SIM1: variants seen among roughly 807,000 people sequenced by gnomAD.
SIM1 encodes single-minded homolog 1.
A neutral mutation model predicts 78.2 loss-of-function variants in SIM1; 18 were observed. That is an observed-to-expected ratio of 0.23 (90% CI 0.16 to 0.34). SIM1 has a LOEUF of 0.34. SIM1 is among the 10% of genes least tolerant of loss of function. The pLI is 1.00. For synonymous variants in SIM1, 417 were observed against 385.2 expected, an observed-to-expected ratio of 1.08 and a Z score of -0.97; for missense variants, 939 against 975.1, an observed-to-expected ratio of 0.96 and a Z score of 0.49.
intron 9 of SIM1, among the ~76,000 whole-genome samples, chr6:100,436,835 T>G (rs1772064653): frequency 6.6e-6 from 1 of 150,534 alleles, no homozygotes; most frequent in African/African-American, 2.4e-5. Flanking sequence ...GCCTCCCAGG[T>G]TCAAGCAATT....
Position 100,449,682 on chromosome 6 carries a change from G to T in SIM1, c.366C>A (p.Asn122Lys), listed in dbSNP as rs1026916895. The change falls in exon 5 of 12, where the codon AAC (asparagine) becomes AAA (lysine). Residue 122 changes from asparagine (N) to lysine (K), a missense_variant. Coordinates refer to ENST00000369208, the MANE Select transcript of SIM1 (RefSeq NM_005068.3). ...LGLSQVELTG[N>K]SIYEYIHPAD... ...CCGGGTGAATGTATTCATAAATGCT[G>T]TTTCCGGTCAGCTCTACCTGTAAAG... is the stretch of plus-strand genomic sequence containing the variant. The T allele has an allele frequency of 1.2e-6, 2 of 1,613,886 alleles. No homozygotes were observed. Among genetic ancestry groups the T allele is most frequent in the South Asian group, 2.2e-5 (2 of 91,072 alleles).
intron 10 of SIM1, among the ~76,000 whole-genome samples, chr6:100,409,570 T>C (rs1771140675): frequency 6.6e-6 from 1 of 152,152 alleles, no homozygotes; most frequent in African/African-American, 2.4e-5. Flanking sequence ...AATTCCTTCC[T>C]TCTGCTAAAC....
At chr6:100,418,671 A>T (rs759990980) in intron 10 of SIM1, among the ~76,000 whole-genome samples, 28 of 152,166 alleles carry the variant, frequency 1.8e-4, no homozygotes, top group Non-Finnish European at 3.5e-4. Flanking sequence ...TTTCTATATA[A>T]CAATAGACAA....
chr6:100,386,429 G>A lies in SIM1; in HGVS notation c.*3932C>T, dbSNP rs1333494946. On this transcript the variant is annotated 3_prime_UTR_variant, in exon 12 of 12. Transcript: ENST00000369208. ...AAAGAGAGAGCTATAAAAATCAAAT[G>A]TGTATTCAGAAGATTTCTTTATCTG... The A allele has an allele frequency of 6.6e-6, 1 of 151,982 alleles. No homozygotes were observed. The highest frequency in any genetic ancestry group is 2.1e-4 in the South Asian group (1 of 4,820). The allele number at this position is 151,982 out of a possible 1,614,324, so 9.4% of individuals were successfully genotyped here.
At position 100,387,631 on chromosome 6, in the gene SIM1, T is replaced by C. The variant is rs182684814; in HGVS notation, c.*2730A>G. The C allele has an allele frequency of 2.6e-4, 40 of 152,194 alleles. No homozygotes were observed. Among genetic ancestry groups the C allele is most frequent in the African/African-American group, 9.6e-4 (40 of 41,566 alleles). 9.4% of individuals were successfully genotyped at this position (152,194 alleles called of 1,614,324 possible). On this transcript the variant is annotated 3_prime_UTR_variant, in exon 12 of 12. Coordinates refer to ENST00000369208, the MANE Select transcript of SIM1 (RefSeq NM_005068.3). ...TATTGACATTCAGTAAATTTTAAAA[T>C]GGTTATGTACTTAAAACTGGGTCAA...
chr6:100,444,502 T>G (rs970238148), intron 9 of SIM1, among the ~76,000 whole-genome samples: 6 of 152,108 alleles, frequency 3.9e-5, no homozygotes, highest in African/African-American at 1.4e-4. Flanking sequence ...CTATAGAAGC[T>G]TCACTGAACC....
chr6:100,416,484 C>T (rs1582624644), intron 10 of SIM1, among the ~76,000 whole-genome samples: 1 of 152,160 alleles, frequency 6.6e-6, no homozygotes, highest in East Asian at 1.9e-4. Flanking sequence ...CCCTATGAGT[C>T]CAATTTTGCT....
intron 8 of SIM1, among the ~76,000 whole-genome samples, chr6:100,447,680 T>C (rs1772392856): frequency 6.6e-6 from 1 of 152,230 alleles, no homozygotes; most frequent in Non-Finnish European, 1.5e-5. Context: ...ACTTAGAGTT[T>C]GGAGGTTTCC....
chr6:100,409,511 C>T (rs1190105941), intron 10 of SIM1, among the ~76,000 whole-genome samples: 1 of 151,756 alleles, frequency 6.6e-6, no homozygotes, highest in African/African-American at 2.4e-5. Flanking sequence ...TTTATCTTTT[C>T]TATTGTTTTC....
At position 100,463,377 on chromosome 6, in the gene SIM1, G is replaced by C. The variant is rs375766542; in HGVS notation, c.92C>G (p.Ser31Trp). Residue 31 changes from serine to tryptophan, a missense_variant, in exon 2 of 12, where the codon TCG (serine) becomes TGG (tryptophan). Ser to Trp is a radical substitution (Grantham distance 177). Transcript: ENST00000369208. ...TTTGTCCAGCTGCGAGGTGATAGCC[G>C]AGGGCAAAGGCAGTAATTTAGCCAG... ...YELAKLLPLP[S>W]AITSQLDKAS... 1.2e-6 allele frequency: 2 copies of C among 1,613,980 alleles called. No homozygotes were observed. The highest frequency in any genetic ancestry group is 1.7e-6 in the Non-Finnish European group (2 of 1,179,940).
intron 9 of SIM1, among the ~76,000 whole-genome samples, chr6:100,423,083 C>A (rs901988801): frequency 2.0e-5 from 3 of 152,218 alleles, no homozygotes; most frequent in African/African-American, 7.2e-5. Flanking sequence ...GAAGTCCGAT[C>A]TCATCACTGG....
chr6:100,402,955 AAT>A (rs1770963083), intron 10 of SIM1, among the ~76,000 whole-genome samples: 1 of 152,050 alleles, frequency 6.6e-6, no homozygotes, highest in South Asian at 2.1e-4. Flanking sequence ...AAAAGATAAC[AAT>A]GTTTTCTCTT....
rs1420204383 is a variant in SIM1 at position 100,432,059 on chromosome 6, T to C, written c.999-11101A>G. On this transcript the variant is annotated intron_variant, in intron 9 of 11. Coordinates refer to ENST00000369208, the MANE Select transcript of SIM1 (RefSeq NM_005068.3). ...TACATGAGAGGCTGAGGCAGGAAGA[T>C]TGATTGAGCCCAGCATTTTGAGGCT... Among the ~76,000 whole-genome samples the C allele has an allele frequency of 2.0e-5, 3 of 152,206 alleles. No individual in the cohort carries two copies. In the East Asian group the frequency reaches 5.8e-4, roughly 30 times the overall value.
Position 100,448,513 on chromosome 6 carries a change from T to C in SIM1, c.709A>G (p.Ser237Gly), listed in dbSNP as rs781506752. ...AGAAAGATGAGCTTCATGTCCAGGC[T>C]GGCGCGGAACATAAACATATTGCTG... ...LHSNMFMFRA[S>G]LDMKLIFLDS... Residue 237 changes from serine to glycine, a missense_variant, in exon 7 of 12, where the codon AGC (serine) becomes GGC (glycine). By Grantham distance (56) the Ser-to-Gly change is moderately conservative (BLOSUM62 0). Around this residue, in one of 5 missense-constraint regions of SIM1, gnomAD observed 187 missense variants for 191.6 expected, o/e 0.98. Transcript: ENST00000369208. 1 of 1,614,100 alleles carries C rather than the reference T, an allele frequency of 6.2e-7. No homozygotes were observed. Among genetic ancestry groups the C allele is most frequent in the Admixed American group, 1.7e-5 (1 of 60,036 alleles).
At chr6:100,411,472 G>T (rs4145404) in intron 10 of SIM1, among the ~76,000 whole-genome samples, 20,628 of 152,132 alleles carry the variant, frequency 0.14, 1,918 homozygotes, top group East Asian at 0.43. Flanking sequence ...TGTGGCATTT[G>T]TCAGACCATC....
Position 100,450,437 on chromosome 6 carries a change from C to T in SIM1, c.259-81G>A, listed in dbSNP as rs960241795. On this transcript the variant is annotated intron_variant, in intron 3 of 11. Coordinates refer to ENST00000369208, the MANE Select transcript of SIM1 (RefSeq NM_005068.3). Reference sequence around the variant, plus strand: ...GGAGCAGGAGGACAGAAGTTAGTGACTTTCAGCCAAAAGTGTAGAGAGATG... The same window carrying T: ...GGAGCAGGAGGACAGAAGTTAGTGATTTTCAGCCAAAAGTGTAGAGAGATG... 6.3e-6 allele frequency: 8 copies of T among 1,269,064 alleles called. No homozygotes were observed. The African/African-American group carries it at 7.3e-5, about 12-fold the overall frequency. The allele number at this position is 1,269,064 out of a possible 1,614,324, so 78.6% of individuals were successfully genotyped here.
At position 100,390,749 on chromosome 6, in the gene SIM1, C is replaced by G; in HGVS notation, c.1913G>C (p.Gly638Ala). 1 of 1,614,048 alleles carries G rather than the reference C, an allele frequency of 6.2e-7. No individual in the cohort carries two copies. The highest frequency in any genetic ancestry group is 8.5e-7 in the Non-Finnish European group (1 of 1,180,008). ...SPCDHIQQRE[G>A]KMLSPHENDY... Reference sequence around the variant, plus strand: ...ATTTTCATGGGGGCTCAACATTTTTCCCTCTCTCTGCTGGATATGGTCACA... The same window carrying G: ...ATTTTCATGGGGGCTCAACATTTTTGCCTCTCTCTGCTGGATATGGTCACA... The change falls in exon 12 of 12, where the codon GGA (glycine) becomes GCA (alanine). Residue 638 changes from glycine to alanine, a missense_variant. Transcript: ENST00000369208.
rs567257457 is a variant in SIM1 at position 100,387,976 on chromosome 6, C to A, written c.*2385G>T. On this transcript the variant is annotated 3_prime_UTR_variant, in exon 12 of 12. Coordinates refer to ENST00000369208, the MANE Select transcript of SIM1 (RefSeq NM_005068.3). ...GTGAAAATTACCTTTCCAAAATACA[C>A]CATATTCATCAAATATTTTTTCTTC... is the stretch of plus-strand genomic sequence containing the variant. The A allele has an allele frequency of 6.6e-6, 1 of 152,134 alleles. No homozygotes were observed. Among genetic ancestry groups the A allele is most frequent in the Admixed American group, 6.6e-5 (1 of 15,266 alleles). 9.4% of individuals were successfully genotyped at this position (152,134 alleles called of 1,614,324 possible). A position where few individuals can be genotyped will look rare whatever the true frequency, so the allele number is the denominator to read the frequency against.
chr6:100,420,156 C>T (rs1771534880), intron 10 of SIM1, among the ~76,000 whole-genome samples: 1 of 152,138 alleles, frequency 6.6e-6, no homozygotes, highest in Non-Finnish European at 1.5e-5. Context: ...TGTGACTGAA[C>T]AGAAAAATAA....
Sources: gnomAD v4.1 joint callset for allele counts (sites outside exome capture counted in the v4.1 genomes callset) on GRCh38, gnomAD v4.1.1 for gene constraint, gnomAD v4.1.1 regional missense constraint, MANE v1.5 for transcripts, NCBI Gene and HGNC (gene_info 2026-07-23, HGNC 2026-07-21) for gene names.